GRM7: variants seen among roughly 807,000 people sequenced by gnomAD.
GRM7 encodes the protein glutamate metabotropic receptor 7, also known as metabotropic glutamate receptor 7.
In GRM7, 35 loss-of-function variants were observed where a neutral mutation model predicts 84.5. That is an observed-to-expected ratio of 0.41 (90% CI 0.32 to 0.55). The LOEUF is 0.55. GRM7 is among the 20% of genes least tolerant of loss of function. GRM7 has a pLI of 0.19. For missense variants in GRM7, 1,003 were observed against 1,194.6 expected, an observed-to-expected ratio of 0.84 and a Z score of 2.36; for synonymous variants, 487 against 455.1, an observed-to-expected ratio of 1.07 and a Z score of -0.89.
At chr3:7,672,763 C>A (rs74951217) in intron 8 of GRM7, among the ~76,000 whole-genome samples, 2 of 152,028 alleles carry the variant, frequency 1.3e-5, no homozygotes, top group Non-Finnish European at 2.9e-5. Context: ...CGCTATGGCG[C>A]CCGGCTAATT....
Position 7,292,469 on chromosome 3 carries a change from A to C in GRM7, c.737-6215A>C, listed in dbSNP as rs201136317. 3.3e-5 allele frequency among the ~76,000 whole-genome samples: 5 copies of C among 151,682 alleles called. No individual in the cohort carries two copies. The East Asian group carries it at 9.7e-4, about 29-fold the overall frequency. On this transcript the variant is annotated intron_variant, in intron 2 of 9. Transcript: ENST00000357716. ...GCCATTCAAGTTGTGATTTGGGGTG[A>C]GTTATTTAACTTCAGAATGCCTCTG...
intron 1 of GRM7, among the ~76,000 whole-genome samples, chr3:6,874,073 A>T (rs1695219282): frequency 6.6e-6 from 1 of 152,222 alleles, no homozygotes; most frequent in Non-Finnish European, 1.5e-5. Flanking sequence ...TGTTTATTGT[A>T]ACCTCTCTAA....
chr3:6,947,664 A>G (rs1444959137), intron 1 of GRM7, among the ~76,000 whole-genome samples: 2 of 152,104 alleles, frequency 1.3e-5, no homozygotes, highest in East Asian at 1.9e-4. Flanking sequence ...GTAGAATTCG[A>G]CTGTGAATCC....
chr3:7,511,843 T>C (rs1377178811), intron 7 of GRM7, among the ~76,000 whole-genome samples: 4 of 152,028 alleles, frequency 2.6e-5, no homozygotes, highest in Non-Finnish European at 5.9e-5. Context: ...TGCCTAAAAT[T>C]AAAAATGACC....
intron 1 of GRM7, among the ~76,000 whole-genome samples, chr3:7,114,611 C>T (rs937955432): frequency 1.3e-5 from 2 of 152,108 alleles, no homozygotes; most frequent in African/African-American, 4.8e-5. Context: ...GAAATAAACG[C>T]ACAGGTCCAA....
chr3:7,131,659 A>G (rs754686130), intron 1 of GRM7, among the ~76,000 whole-genome samples: 20 of 142,846 alleles, frequency 1.4e-4, no homozygotes, highest in Admixed American at 3.4e-4. Flanking sequence ...TTGTATTTTT[A>G]GTAGAGATGG....
At chr3:7,356,845 T>A (rs1693428249) in intron 4 of GRM7, among the ~76,000 whole-genome samples, 1 of 148,956 alleles carries the variant, frequency 6.7e-6, no homozygotes, top group South Asian at 2.1e-4. Flanking sequence ...GCTACTGACT[T>A]TCCCAAAACC....
At chr3:7,162,496 A>G (rs1378466911) in intron 2 of GRM7, among the ~76,000 whole-genome samples, 1 of 152,118 alleles carries the variant, frequency 6.6e-6, no homozygotes, top group East Asian at 1.9e-4. Context: ...GAGATGATCA[A>G]TGGCTTTGAA....
chr3:7,387,213 A>T (rs1182059473), intron 4 of GRM7, among the ~76,000 whole-genome samples: 1 of 152,140 alleles, frequency 6.6e-6, no homozygotes, highest in African/African-American at 2.4e-5. Context: ...CATAGTTTCC[A>T]AATATTTTCT....
intron 2 of GRM7, among the ~76,000 whole-genome samples, chr3:7,288,206 G>A (rs1458806549): frequency 1.3e-5 from 2 of 152,086 alleles, no homozygotes; most frequent in African/African-American, 4.8e-5. Context: ...TGTTTCACTG[G>A]ATGAGTTGGG....
Position 6,932,760 on chromosome 3 carries a change from T to C in GRM7, c.519+70853T>C, listed in dbSNP as rs1348985336. Among the ~76,000 whole-genome samples, 6 of 144,426 alleles carry C rather than the reference T, an allele frequency of 4.2e-5. No homozygotes were observed. The East Asian group carries it at 1.2e-3, about 29-fold the overall frequency. 94.7% of individuals were successfully genotyped at this position (144,426 alleles called of 152,430 possible). On this transcript the variant is annotated intron_variant, in intron 1 of 9. Transcript: ENST00000357716. ...GTTTTCTTCTTTCTCTCTTTTTTTTTTTTTTTTTTTTTGAGACAGAGTCTC... is the reference window on the plus strand; with the variant it reads ...GTTTTCTTCTTTCTCTCTTTTTTTTCTTTTTTTTTTTTGAGACAGAGTCTC...
At chr3:7,436,957 T>A (rs911300449) in intron 5 of GRM7, among the ~76,000 whole-genome samples, 6 of 152,170 alleles carry the variant, frequency 3.9e-5, no homozygotes, top group African/African-American at 1.4e-4. Context: ...TTTATATATG[T>A]TATTTGCTTT....
At chr3:7,712,339 G>A (rs535257974) in intron 9 of GRM7, among the ~76,000 whole-genome samples, 7 of 152,168 alleles carry the variant, frequency 4.6e-5, no homozygotes, top group Non-Finnish European at 8.8e-5. Context: ...CTGTAGGACT[G>A]TGCTGGGGCT....
chr3:6,909,693 C>T (rs991964138), intron 1 of GRM7, among the ~76,000 whole-genome samples: 1 of 151,694 alleles, frequency 6.6e-6, no homozygotes, highest in African/African-American at 2.4e-5. Context: ...ACAGTAATTA[C>T]CCCAGTCTAT....
At chr3:7,062,478 G>T (rs751935479) in intron 1 of GRM7, among the ~76,000 whole-genome samples, 3 of 151,722 alleles carry the variant, frequency 2.0e-5, no homozygotes, top group Non-Finnish European at 2.9e-5. Context: ...TGTGTATTTA[G>T]CTATAAAGGA....
intron 1 of GRM7, among the ~76,000 whole-genome samples, chr3:7,145,163 A>G (rs1478016814): frequency 2.0e-5 from 3 of 152,136 alleles, no homozygotes; most frequent in African/African-American, 7.2e-5. Flanking sequence ...TGGCTTTACC[A>G]TATTTGAGCT....
chr3:7,075,852 A>G (rs769867679), intron 1 of GRM7, among the ~76,000 whole-genome samples: 6 of 152,058 alleles, frequency 3.9e-5, no homozygotes, highest in Admixed American at 6.6e-5. Flanking sequence ...GTCATAGGAT[A>G]TTCTAGAAGG....
chr3:7,654,342 TC>T (rs2125117274), intron 8 of GRM7, among the ~76,000 whole-genome samples: 1 of 152,218 alleles, frequency 6.6e-6, no homozygotes, highest in South Asian at 2.1e-4. Context: ...CATCTGTCAC[TC>T]CCACTTCTGT....
chr3:6,864,684 C>A (rs1028287549), intron 1 of GRM7, among the ~76,000 whole-genome samples: 1 of 152,096 alleles, frequency 6.6e-6, no homozygotes, highest in Non-Finnish European at 1.5e-5. Context: ...TTGAGATATA[C>A]GTTTATAGTG....
Sources: gnomAD v4.1 joint callset for allele counts (sites outside exome capture counted in the v4.1 genomes callset) on GRCh38, gnomAD v4.1.1 for gene constraint, MANE v1.5 for transcripts, NCBI Gene and HGNC (gene_info 2026-07-23, HGNC 2026-07-21) for gene names.